Variants in MYH9 observed in about 807,000 individuals in gnomAD.
MYH9 encodes myosin heavy chain 9.
A neutral mutation model predicts 241.9 loss-of-function variants in MYH9; 29 were observed. That is an observed-to-expected ratio of 0.12 (90% CI 0.09 to 0.16). The LOEUF is 0.16. Among genes scored for constraint, MYH9 ranks in the 10% least tolerant of loss-of-function variants. MYH9 has a pLI of 1.00. For synonymous variants in MYH9, 1,047 were observed against 1,062.6 expected, an observed-to-expected ratio of 0.99 and a Z score of 0.29; for missense variants, 1,803 against 2,595.5, an observed-to-expected ratio of 0.69 and a Z score of 6.63.
rs771506797 is a variant in MYH9 at position 36,305,665 on chromosome 22, T to A, written c.2159+265A>T. Among the ~76,000 whole-genome samples, 3 of 152,316 alleles carry A rather than the reference T, an allele frequency of 2.0e-5. No individual in the cohort carries two copies. In the Middle Eastern group the frequency reaches 0.01, roughly 518 times the overall value. ...TCATAGCTCCTCTAACTGTAGCAAA[T>A]AGCACCAGGGCCGGCAGTTACTAGG... On this transcript the variant is annotated intron_variant, in intron 17 of 40. Transcript: ENST00000216181. The surrounding 1 kb of genome is among the most constrained non-coding windows in gnomAD (Gnocchi z 4.7).
chr22:36,328,708 C>T (rs1440465903), intron 3 of MYH9, among the ~76,000 whole-genome samples: 1 of 152,352 alleles, frequency 6.6e-6, no homozygotes, highest in East Asian at 1.9e-4. Flanking sequence ...GTGGCAGTGG[C>T]GTTGTCAGGG....
intron 3 of MYH9, among the ~76,000 whole-genome samples, chr22:36,331,506 G>A (rs8143119): frequency 6.6e-6 from 1 of 151,922 alleles, no homozygotes; most frequent in African/African-American, 2.4e-5. Context: ...GCCCAGGAGG[G>A]AGGAAGGGGA....
chr22:36,298,816 G>A lies in MYH9; in HGVS notation c.3100+103C>T. 3 of 1,554,364 alleles carry A rather than the reference G, an allele frequency of 1.9e-6. No homozygotes were observed. In the South Asian group the frequency reaches 3.4e-5, roughly 17 times the overall value. ...TGTAGTGTGACCCAGGCTCACCCGT[G>A]AGCTGAGAAGGCCTCGGTGTTCCGG... On this transcript the variant is annotated intron_variant, in intron 24 of 40. Transcript: ENST00000216181.
chr22:36,334,138 G>A (rs1335458334), intron 3 of MYH9, among the ~76,000 whole-genome samples: 3 of 151,960 alleles, frequency 2.0e-5, no homozygotes, highest in Admixed American at 1.3e-4. Flanking sequence ...AAAAGGGCCC[G>A]TTAACTGCAG....
At chr22:36,335,744 C>T (rs1316503067) in intron 3 of MYH9, among the ~76,000 whole-genome samples, 1 of 152,194 alleles carries the variant, frequency 6.6e-6, no homozygotes, top group African/African-American at 2.4e-5. Flanking sequence ...AAATGAGGGG[C>T]ACCAATGCCC....
chr22:36,338,352 T>A (rs1375148033), intron 3 of MYH9, among the ~76,000 whole-genome samples: 1 of 151,832 alleles, frequency 6.6e-6, no homozygotes, highest in Non-Finnish European at 1.5e-5. Context: ...ATGTGGGAGC[T>A]CAAGAGCTGC....
intron 1 of MYH9, among the ~76,000 whole-genome samples, chr22:36,365,399 G>A (rs1304264039): frequency 3.3e-5 from 5 of 152,210 alleles, no homozygotes; most frequent in African/African-American, 1.2e-4. Flanking sequence ...CTAAGTCAGG[G>A]CTGCCAGAGG....
At chr22:36,357,359 C>T (rs2017872398) in intron 1 of MYH9, among the ~76,000 whole-genome samples, 1 of 152,154 alleles carries the variant, frequency 6.6e-6, no homozygotes, top group Non-Finnish European at 1.5e-5. Context: ...AAGGTACGAT[C>T]GCTCAATAAC....
In MYH9 at chr22:36,330,486, CATT is replaced by C. The variant is rs1419005634; in HGVS notation, c.491-3001_491-2999del. On this transcript the variant is annotated intron_variant, in intron 3 of 40. Transcript: ENST00000216181. This position sits in a 1 kb window ranked among gnomAD's most constrained non-coding sequence, Gnocchi z 4.5. ...TAATGTACAAAGCAGGTATTATCAT[CATT>C]GTTTTGCCATCTTTCCACACAGCGG... Among the ~76,000 whole-genome samples the C allele has an allele frequency of 3.9e-5, 6 of 152,194 alleles. No individual in the cohort carries two copies. Among genetic ancestry groups the C allele is most frequent in the African/African-American group, 1.2e-4 (5 of 41,460 alleles).
chr22:36,355,904 C>A (rs961837672), intron 1 of MYH9, among the ~76,000 whole-genome samples: 1 of 152,192 alleles, frequency 6.6e-6, no homozygotes, highest in Admixed American at 6.5e-5. Flanking sequence ...AACCCCATCT[C>A]CCCATGCTGG....
At chr22:36,371,332 C>T (rs950206005) in intron 1 of MYH9, among the ~76,000 whole-genome samples, 7 of 152,078 alleles carry the variant, frequency 4.6e-5, no homozygotes, top group South Asian at 2.1e-4. Context: ...AGACACCAGG[C>T]GTGTGCGTGC....
chr22:36,318,256 C>T lies in MYH9; in HGVS notation c.1178G>A (p.Arg393His), dbSNP rs202023656. The T allele has an allele frequency of 2.4e-5, 38 of 1,613,688 alleles. No homozygotes were observed. Among genetic ancestry groups the T allele is most frequent in the Admixed American group, 1.7e-5 (1 of 60,000 alleles). ...GACGTAATCCCGTCCCACCTTGATG[C>T]GCGGGGTGAGGATTCCTCTGGTGAA... ...TDFTRGILTP[R>H]IKVGRDYVQK... is the part of the protein sequence containing the mutation. The change falls in exon 11 of 41, where the codon CGC becomes CAC. Residue 393 changes from arginine to histidine, a missense_variant. Physicochemically the swap from Arg to His is conservative, Grantham distance 29. This residue lies in a region of MYH9 where 222 missense variants were observed against 359.9 expected (regional missense o/e 0.62). Coordinates refer to ENST00000216181, the MANE Select transcript of MYH9 (RefSeq NM_002473.6).
chr22:36,373,942 T>C (rs1186730919), intron 1 of MYH9, among the ~76,000 whole-genome samples: 1 of 152,152 alleles, frequency 6.6e-6, no homozygotes, highest in Non-Finnish European at 1.5e-5. Flanking sequence ...GTAAAATACA[T>C]GTGTATATGG....
rs1603482847 is a variant in MYH9 at position 36,290,828 on chromosome 22, G to A, written c.4344+1158C>T. ...CGTCTGGGATGTGAGGAGTGCCTCT[G>A]CCCAGTGGCGACCCCGTCTGGGAGG... On this transcript the variant is annotated intron_variant, in intron 31 of 40. Coordinates refer to ENST00000216181, the MANE Select transcript of MYH9 (RefSeq NM_002473.6). 4.0e-5 allele frequency among the ~76,000 whole-genome samples: 6 copies of A among 150,916 alleles called. No individual in the cohort carries two copies. In the East Asian group the frequency reaches 1.2e-3, roughly 29 times the overall value.
chr22:36,368,213 C>T (rs6000260), intron 1 of MYH9, among the ~76,000 whole-genome samples: 6,965 of 152,266 alleles, frequency 0.046, 433 homozygotes, highest in African/African-American at 0.12. Context: ...AATTAAATAA[C>T]GGCCACTTGC....
intron 3 of MYH9, among the ~76,000 whole-genome samples, chr22:36,338,133 G>A (rs2017527739): frequency 6.6e-6 from 1 of 152,004 alleles, no homozygotes; most frequent in African/African-American, 2.4e-5. Context: ...GAGTAGTTGG[G>A]ACTACAGGCG....
chr22:36,326,130 G>A (rs1049003850), intron 5 of MYH9, among the ~76,000 whole-genome samples: 1 of 152,192 alleles, frequency 6.6e-6, no homozygotes, highest in Admixed American at 6.5e-5. Flanking sequence ...CTGGGGTGGT[G>A]GGGGTGGGTG....
intron 23 of MYH9, 141 bp downstream of exon 23, chr22:36,299,986 G>GC: frequency 2.5e-6 from 3 of 1,208,014 alleles, no homozygotes; most frequent in Non-Finnish European, 3.6e-6. Flanking sequence ...GGGAGCACTT[G>GC]CAGTTAAGCA....
In MYH9 at chr22:36,304,274, T is replaced by A. The variant is rs899670253; in HGVS notation, c.2230-119A>T. On this transcript the variant is annotated intron_variant, in intron 18 of 40. Coordinates refer to ENST00000216181, the MANE Select transcript of MYH9 (RefSeq NM_002473.6). ...CCTTCTTCTCACTGGCTGACGAGCA[T>A]CTGGAGAGCAGAAAGCCATCTCCTC... is the stretch of plus-strand genomic sequence containing the variant. 6 of 1,090,326 alleles carry A rather than the reference T, an allele frequency of 5.5e-6. No individual in the cohort carries two copies. In the African/African-American group the frequency reaches 7.8e-5, roughly 14 times the overall value. 67.5% of individuals were successfully genotyped at this position (1,090,326 alleles called of 1,614,324 possible).
Sources: allele counts gnomAD v4.1 joint callset (sites outside exome capture counted in the v4.1 genomes callset), GRCh38; gene constraint gnomAD v4.1.1; regional missense constraint gnomAD v4.1.1; non-coding constraint Gnocchi (gnomAD v3.1); transcripts MANE v1.5; gene names NCBI Gene and HGNC (gene_info 2026-07-23, HGNC 2026-07-21).